The following SSC5D variants were observed in gnomAD, a reference collection of about 807,000 sequenced individuals.
SSC5D encodes scavenger receptor cysteine rich family member with 5 domains, also known as soluble scavenger receptor cysteine-rich domain-containing protein SSC5D.
Under a neutral mutation model 104.6 loss-of-function variants are expected in SSC5D, and 106 were observed. The observed-to-expected ratio is 1.01, with a 90% CI of 0.87 to 1.19. The LOEUF (loss-of-function observed/expected upper bound fraction) is 1.19. Ranked by LOEUF, SSC5D falls within the 50% of genes most tolerant of loss-of-function variation. The pLI is 0.00. For missense variants in SSC5D, 1,993 were observed against 2,153.8 expected, an observed-to-expected ratio of 0.93 and a Z score of 1.48; for synonymous variants, 860 against 883.5, an observed-to-expected ratio of 0.97 and a Z score of 0.47.
At chr19:55,501,704 C>T (rs568735523) in intron 12 of SSC5D, among the ~76,000 whole-genome samples, 214 of 152,304 alleles carry the variant, frequency 1.4e-3, no homozygotes, top group African/African-American at 5.1e-3. Context: ...AGCTCCATCC[C>T]CCTCTGCTCT....
chr19:55,499,266 AC>A (rs1987407780), intron 9 of SSC5D, among the ~76,000 whole-genome samples: 1 of 152,238 alleles, frequency 6.6e-6, no homozygotes, highest in Non-Finnish European at 1.5e-5. Flanking sequence ...CCTTTACTGC[AC>A]ACGTGTGCTA....
intron 12 of SSC5D, among the ~76,000 whole-genome samples, chr19:55,506,575 T>C (rs1249832114): frequency 1.3e-5 from 2 of 151,812 alleles, no homozygotes; most frequent in Non-Finnish European, 2.9e-5. Flanking sequence ...TTTGTATTTT[T>C]AGTAGAGACG....
At position 55,503,616 on chromosome 19, in the gene SSC5D, C is replaced by T. The variant is rs1040654321; in HGVS notation, c.2785+2415C>T. ...GAGGTTTCACTCCCCACCTAAGGGG[C>T]AGCGTTTCTGTCCTCCCTCTGTGCC... is the stretch of plus-strand genomic sequence containing the variant. On this transcript the variant is annotated intron_variant, in intron 12 of 13. Transcript: ENST00000389623. This position sits in a 1 kb window ranked among gnomAD's most constrained non-coding sequence, Gnocchi z 4.0. Among the ~76,000 whole-genome samples the T allele has an allele frequency of 6.6e-6, 1 of 152,170 alleles. No individual in the cohort carries two copies. The highest frequency in any genetic ancestry group is 2.4e-5 in the African/African-American group (1 of 41,458).
At position 55,517,668 on chromosome 19, in the gene SSC5D, C is replaced by T. The variant is rs1460550604; in HGVS notation, c.3392C>T (p.Pro1131Leu). The T allele has an allele frequency of 1.9e-6, 3 of 1,551,754 alleles. No homozygotes were observed. The Admixed American group carries it at 5.9e-5, about 30-fold the overall frequency. ...SDTTPDLDTT[P>L]YSSTVSEYSR... is the part of the protein sequence containing the mutation. The stretch of plus-strand genomic sequence containing the variant: ...ACAACCCCAGATTTGGACACAACTC[C>T]ATACTCCAGTACAGTCTCAGAATAT... The change falls in exon 14 of 14, where the codon CCA becomes CTA. Residue 1131 changes from proline (P) to leucine (L), a missense_variant. Transcript: ENST00000389623.
rs1322420122 is a variant in SSC5D at position 55,500,594 on chromosome 19, C to T, written c.2407C>T (p.Leu803=). Residue 803 remains leucine, a synonymous_variant, in exon 11 of 14, where the codon CTG becomes TTG. Coordinates refer to ENST00000389623, the MANE Select transcript of SSC5D (RefSeq NM_001144950.2). The surrounding 1 kb of genome is among the most constrained non-coding windows in gnomAD (Gnocchi z 4.6). The stretch of plus-strand genomic sequence containing the variant: ...AACAGTGTGTGATGACAACTGGGAC[C>T]TGCGGGACGCCACTGTGGCCTGCTG... The part of the protein sequence containing the change: ...WGTVCDDNWD[L]RDATVACWEL... 2 of 1,551,764 alleles carry T rather than the reference C, an allele frequency of 1.3e-6. No homozygotes were observed. The highest frequency in any genetic ancestry group is 4.9e-5 in the East Asian group (2 of 40,916).
Position 55,497,977 on chromosome 19 carries a change from C to G in SSC5D, c.1485C>G (p.Ser495Arg). 5.8e-6 allele frequency: 9 copies of G among 1,551,832 alleles called. No individual in the cohort carries two copies. The highest frequency in any genetic ancestry group is 7.8e-6 in the Non-Finnish European group (9 of 1,147,016). The change falls in exon 9 of 14, where the codon AGC (serine) becomes AGG (arginine). Residue 495 changes from serine to arginine, a missense_variant. Ser to Arg is a moderately radical substitution (Grantham distance 110, BLOSUM62 -1). This residue lies in a region of SSC5D where 1,101 missense variants were observed against 1,085.0 expected (regional missense o/e 1.01). Transcript: ENST00000389623. ...GCTGGGGGACCGTGTGTGACGATAGCTGGGACATGCGGGATTCAGCTGTGG... is the reference window on the plus strand; with the variant it reads ...GCTGGGGGACCGTGTGTGACGATAGGTGGGACATGCGGGATTCAGCTGTGG... ...DQRWGTVCDD[S>R]WDMRDSAVVC...
At position 55,496,232 on chromosome 19, in the gene SSC5D, C is replaced by G. The variant is rs562300414; in HGVS notation, c.1387+1449C>G. On this transcript the variant is annotated intron_variant, in intron 8 of 13. Transcript: ENST00000389623. ...GCAGAATGGCCCAGGGTGTGAGAGCCCAGTGGAGAGGGTGGTTTGCACACG... is the reference window on the plus strand; with the variant it reads ...GCAGAATGGCCCAGGGTGTGAGAGCGCAGTGGAGAGGGTGGTTTGCACACG... 3.9e-4 allele frequency among the ~76,000 whole-genome samples: 60 copies of G among 152,156 alleles called. 1 individual carries two copies. Among genetic ancestry groups the G allele is most frequent in the African/African-American group, 1.3e-3 (52 of 41,496 alleles).
chr19:55,497,835 G>C (rs1303331127), intron 8 of SSC5D, 45 bp from the exon 9 acceptor site: 2 of 1,474,452 alleles, frequency 1.4e-6, no homozygotes, highest in African/African-American at 2.8e-5. Flanking sequence ...TCAGGAGGCT[G>C]GGCGGCTTCC....
chr19:55,510,180 G>A lies in SSC5D; in HGVS notation c.2786-2831G>A, dbSNP rs551590543. Among the ~76,000 whole-genome samples the A allele has an allele frequency of 1.1e-3, 171 of 152,064 alleles. 3 individuals carry two copies. Among genetic ancestry groups the A allele is most frequent in the African/African-American group, 3.9e-3 (162 of 41,484 alleles). On this transcript the variant is annotated intron_variant, in intron 12 of 13. Coordinates refer to ENST00000389623, the MANE Select transcript of SSC5D (RefSeq NM_001144950.2). ...ACCTGGCTAATTTTTGTAATTTTTA[G>A]TAGAGACGGGGTTTCAACATGTTGG...
At chr19:55,491,627 C>A (rs968662701) in intron 6 of SSC5D, 1 of 156,226 alleles carries the variant, frequency 6.4e-6, no homozygotes, top group Admixed American at 6.1e-5. Flanking sequence ...CCCTCATTCA[C>A]GCCCCCTCAG....
intron 2 of SSC5D, 49 bp downstream of exon 2, chr19:55,489,081 C>T (rs1987049583): frequency 8.8e-6 from 9 of 1,021,608 alleles, no homozygotes; most frequent in African/African-American, 3.4e-5. Flanking sequence ...CCCAGGCCTC[C>T]CCCTTCTGCC....
At chr19:55,514,885 T>G (rs1987836407) in intron 13 of SSC5D, among the ~76,000 whole-genome samples, 2 of 152,148 alleles carry the variant, frequency 1.3e-5, no homozygotes, top group Non-Finnish European at 2.9e-5. Flanking sequence ...AGGAAGAAAC[T>G]GAGATTCAAG....
At position 55,491,016 on chromosome 19, in the gene SSC5D, C is replaced by A. The variant is rs200655392; in HGVS notation, c.831C>A (p.Cys277Ter). The A allele has an allele frequency of 1.7e-4, 258 of 1,550,006 alleles. No homozygotes were observed. Among genetic ancestry groups the A allele is most frequent in the Admixed American group, 1.4e-3 (69 of 50,920 alleles). ...GAGGAGAACAGGCCCTCCGAGACTG[C>A]CCCCGAAGCCCCTGGGGCCGGAGCA... ...CGGGEQALRD[C>*]PRSPWGRSNC... Residue 277 changes from cysteine (C) to a stop codon, truncating the protein, a stop_gained, in exon 6 of 14, where the codon TGC becomes TGA. Coordinates refer to ENST00000389623, the MANE Select transcript of SSC5D (RefSeq NM_001144950.2). LOFTEE classifies it high-confidence loss of function.
intron 12 of SSC5D, among the ~76,000 whole-genome samples, chr19:55,510,366 T>TA (rs898084231): frequency 9.9e-5 from 15 of 152,070 alleles, no homozygotes; most frequent in African/African-American, 2.9e-4. Flanking sequence ...TTGGTTTTTT[T>TA]AGATGGAATT....
chr19:55,489,070 C>A lies in SSC5D; in HGVS notation c.52+38C>A, dbSNP rs1488128311. 1.8e-4 allele frequency: 197 copies of A among 1,083,552 alleles called. 3 individuals are homozygous for A. The highest frequency in any genetic ancestry group is 6.7e-4 in the East Asian group (16 of 23,806). 67.1% of individuals were successfully genotyped at this position (1,083,552 alleles called of 1,614,324 possible). ...ACTCCTCCCATCTGCCCGCCCCCCC[C>A]CCCAGGCCTCCCCCTTCTGCCCATC... On this transcript the variant is annotated intron_variant, in intron 2 of 13. Transcript: ENST00000389623.
intron 6 of SSC5D, chr19:55,491,771 C>CTCCTTCCT: frequency 6.5e-6 from 1 of 152,680 alleles, no homozygotes; most frequent in East Asian, 1.9e-4. Flanking sequence ...CCCTCCTTCT[C>CTCCTTCCT]TCCTTCCTTC....
At position 55,493,813 on chromosome 19, in the gene SSC5D, C is replaced by G. The variant is rs8105891; in HGVS notation, c.1114C>G (p.Arg372Gly). The stretch of plus-strand genomic sequence containing the variant: ...TGGACCCATCATCCTGGACGACCTT[C>G]GGTGTCGGGGAAACGAGACGGCCTT... ...GSGPIILDDL[R>G]CRGNETALRF... Residue 372 changes from arginine (R) to glycine (G), a missense_variant, in exon 7 of 14, where the codon CGG (arginine) becomes GGG (glycine). Arg to Gly is a moderately radical substitution (Grantham distance 125). This residue lies in a region of SSC5D where 1,101 missense variants were observed against 1,085.0 expected (regional missense o/e 1.01). Transcript: ENST00000389623. The G allele has an allele frequency of 5.2e-4, 809 of 1,549,258 alleles. 2 individuals carry two copies. The African/African-American group carries it at 0.01, about 20-fold the overall frequency.
At chr19:55,504,403 G>A in intron 12 of SSC5D, 4 of 1,234,556 alleles carry the variant, frequency 3.2e-6, no homozygotes, top group Non-Finnish European at 4.2e-6. Context: ...GGTGGAGTGG[G>A]AGACGAGGCA....
chr19:55,491,004 C>T lies in SSC5D; in HGVS notation c.819C>T (p.Ala273=), dbSNP rs946817070. 24 of 1,549,814 alleles carry T rather than the reference C, an allele frequency of 1.5e-5. No homozygotes were observed. The highest frequency in any genetic ancestry group is 1.7e-5 in the Non-Finnish European group (19 of 1,146,638). The change falls in exon 6 of 14, where the codon GCC becomes GCT. Residue 273 remains alanine (A), a synonymous_variant. Coordinates refer to ENST00000389623, the MANE Select transcript of SSC5D (RefSeq NM_001144950.2). ...TGGGGTGTGGAGGAGGAGAACAGGC[C>T]CTCCGAGACTGCCCCCGAAGCCCCT... ...DDVGCGGGEQ[A]LRDCPRSPWG... is the part of the protein sequence containing the mutation.
Sources: gnomAD v4.1 joint callset for allele counts (sites outside exome capture counted in the v4.1 genomes callset) on GRCh38, gnomAD v4.1.1 for gene constraint, gnomAD v4.1.1 regional missense constraint, Gnocchi (gnomAD v3.1) non-coding constraint, MANE v1.5 for transcripts, NCBI Gene and HGNC (gene_info 2026-07-23, HGNC 2026-07-21) for gene names.